PTPRQ: variants seen among roughly 807,000 people sequenced by gnomAD.
The protein encoded by PTPRQ is protein tyrosine phosphatase receptor type Q, also known as phosphatidylinositol phosphatase PTPRQ.
A neutral mutation model predicts 246.0 loss-of-function variants in PTPRQ; 199 were observed. That is an observed-to-expected ratio of 0.81 (90% CI 0.72 to 0.91). The LOEUF is 0.91. Among genes scored for constraint, PTPRQ ranks in the 40% least tolerant of loss-of-function variants. PTPRQ has a pLI of 0.00. For synonymous variants in PTPRQ, 869 were observed against 853.2 expected, an observed-to-expected ratio of 1.02 and a Z score of -0.32; for missense variants, 2,624 against 2,528.4, an observed-to-expected ratio of 1.04 and a Z score of -0.81.
Position 80,620,393 on chromosome 12 carries a change from T to A in PTPRQ, c.5612+17T>A, listed in dbSNP as rs1898935555. The A allele has an allele frequency of 3.2e-6, 5 of 1,547,014 alleles. No homozygotes were observed. Among genetic ancestry groups the A allele is most frequent in the Non-Finnish European group, 4.4e-6 (5 of 1,144,500 alleles). On this transcript the variant is annotated intron_variant, in intron 32 of 44. Coordinates refer to ENST00000644991, the MANE Select transcript of PTPRQ (RefSeq NM_001145026.2). Reference sequence around the variant, plus strand: ...GCAATACTTGTAAGTATAGGTTATATCTACCATGCATTCTGTTAGCAAGCT... The same window carrying A: ...GCAATACTTGTAAGTATAGGTTATAACTACCATGCATTCTGTTAGCAAGCT...
intron 35 of PTPRQ, among the ~76,000 whole-genome samples, chr12:80,647,741 G>T (rs1223939588): frequency 1.3e-5 from 2 of 151,914 alleles, no homozygotes; most frequent in Admixed American, 1.3e-4. Context: ...TCACTCTAGG[G>T]TATTGTGGGG....
intron 25 of PTPRQ, among the ~76,000 whole-genome samples, chr12:80,552,188 C>G (rs1528283): frequency 0.58 from 87,552 of 151,846 alleles, 30,210 homozygotes; most frequent in Non-Finnish European, 0.76. Context: ...GACAGGCAAA[C>G]AGTGTCAGAA....
At chr12:80,485,917 T>C (rs1894259689) in intron 9 of PTPRQ, among the ~76,000 whole-genome samples, 2 of 152,062 alleles carry the variant, frequency 1.3e-5, no homozygotes, top group Admixed American at 1.3e-4. Context: ...TGGTCTGCAA[T>C]TCTCGTCTCA....
intron 38 of PTPRQ, among the ~76,000 whole-genome samples, chr12:80,654,358 C>G (rs1483499435): frequency 1.3e-5 from 2 of 152,128 alleles, no homozygotes; most frequent in African/African-American, 4.8e-5. Context: ...TTTATTCTTT[C>G]TTTTAGAGAG....
intron 25 of PTPRQ, among the ~76,000 whole-genome samples, chr12:80,569,394 TG>T (rs1897076484): frequency 2.2e-5 from 1 of 45,884 alleles, no homozygotes; most frequent in Non-Finnish European, 3.9e-5. Flanking sequence ...TGTTGTGGGG[TG>T]GGGGGAGGGG....
rs146964417 is a variant in PTPRQ at position 80,666,217 on chromosome 12, ATGGAATAC to A, written c.6193-2788_6193-2781del. On this transcript the variant is annotated intron_variant, in intron 39 of 44. Coordinates refer to ENST00000644991, the MANE Select transcript of PTPRQ (RefSeq NM_001145026.2). The stretch of plus-strand genomic sequence containing the variant: ...AAAGAAAATATGCTGTATATACGCA[ATGGAATAC>A]TATTTAGCCATGTAAAAGAATAAAG... Among the ~76,000 whole-genome samples, 633 of 152,170 alleles carry A rather than the reference ATGGAATAC, an allele frequency of 4.2e-3. 4 individuals are homozygous for A. The highest frequency in any genetic ancestry group is 0.014 in the African/African-American group (597 of 41,564).
chr12:80,588,481 G>A, intron 26 of PTPRQ, 29 bp downstream of exon 26: 1 of 1,435,082 alleles, frequency 7.0e-7, no homozygotes, highest in Non-Finnish European at 9.2e-7. Flanking sequence ...TGTACATACT[G>A]ATTTCTGTTA....
intron 26 of PTPRQ, among the ~76,000 whole-genome samples, chr12:80,594,027 A>C (rs1897888645): frequency 6.6e-6 from 1 of 151,988 alleles, no homozygotes; most frequent in Admixed American, 6.6e-5. Context: ...CTGTTAGGTT[A>C]AAAAAAATTC....
In PTPRQ at chr12:80,669,356, T is replaced by C. The variant is rs1464538729; in HGVS notation, c.6345T>C (p.Tyr2115=). 1 of 1,549,822 alleles carries C rather than the reference T, an allele frequency of 6.5e-7. No individual in the cohort carries two copies. Among genetic ancestry groups the C allele is most frequent in the Non-Finnish European group, 8.7e-7 (1 of 1,146,038 alleles). The change falls in exon 41 of 45, where the codon TAT becomes TAC. Residue 2115 remains tyrosine (Y), a synonymous_variant. Coordinates refer to ENST00000644991, the MANE Select transcript of PTPRQ (RefSeq NM_001145026.2). ...FEKGRIRCHQ[Y]WPEDNKPVTV... is the part of the protein sequence containing the mutation. ...GAATGCAGATCAGATGCCATCAGTA[T>C]TGGCCAGAGGACAACAAGCCAGTTA...
At chr12:80,654,306 C>T (rs1800250910) in intron 38 of PTPRQ, among the ~76,000 whole-genome samples, 1 of 152,152 alleles carries the variant, frequency 6.6e-6, no homozygotes, top group Non-Finnish European at 1.5e-5. Flanking sequence ...GTTTGTCAGG[C>T]TGGTTAAATT....
intron 39 of PTPRQ, among the ~76,000 whole-genome samples, chr12:80,667,371 A>T (rs1182639128): frequency 1.3e-5 from 2 of 152,018 alleles, no homozygotes; most frequent in Non-Finnish European, 1.5e-5. Context: ...ACAGAAAAAT[A>T]AATACCGCAT....
At chr12:80,569,588 AT>A (rs1312303092) in intron 25 of PTPRQ, among the ~76,000 whole-genome samples, 20 of 151,962 alleles carry the variant, frequency 1.3e-4, no homozygotes, top group African/African-American at 4.6e-4. Context: ...AACAAAAAAA[AT>A]TTGATTTTTT....
rs1901024612 is a variant in PTPRQ at position 80,673,080 on chromosome 12, T to G, written c.6603-89T>G. On this transcript the variant is annotated intron_variant, in intron 42 of 44. Transcript: ENST00000644991. ...AAATAAGAGAAGAAACTATTAGAAT[T>G]TATTGCTATCATAGCTCATTATCTT... The G allele has an allele frequency of 2.7e-6, 4 of 1,471,822 alleles. No individual in the cohort carries two copies. The East Asian group carries it at 1.0e-4, about 38-fold the overall frequency. 91.2% of individuals were successfully genotyped at this position (1,471,822 alleles called of 1,614,324 possible).
intron 38 of PTPRQ, among the ~76,000 whole-genome samples, 181 bp downstream of exon 38, chr12:80,653,015 A>G (rs1458250467): frequency 6.6e-6 from 1 of 152,160 alleles, no homozygotes; most frequent in Non-Finnish European, 1.5e-5. Context: ...TAAAGTTAGT[A>G]TACGTGGTTT....
intron 17 of PTPRQ, among the ~76,000 whole-genome samples, chr12:80,521,628 C>T (rs1050379443): frequency 2.6e-5 from 4 of 152,052 alleles, no homozygotes; most frequent in Non-Finnish European, 5.9e-5. Context: ...GAATCCTTTC[C>T]CCATTGCTTT....
Position 80,649,688 on chromosome 12 carries a change from T to A in PTPRQ, c.6024+19T>A. ...ATTTTCGGTATGTTACTAGCAGTTG[T>A]CACAACATTGCAAGACCTCCAGTCG... is the stretch of plus-strand genomic sequence containing the variant. On this transcript the variant is annotated intron_variant, in intron 37 of 44. Coordinates refer to ENST00000644991, the MANE Select transcript of PTPRQ (RefSeq NM_001145026.2). 5 of 1,541,254 alleles carry A rather than the reference T, an allele frequency of 3.2e-6. No individual in the cohort carries two copies. The highest frequency in any genetic ancestry group is 4.4e-6 in the Non-Finnish European group (5 of 1,141,838).
At position 80,610,422 on chromosome 12, in the gene PTPRQ, C is replaced by T. The variant is rs1307335137; in HGVS notation, c.4732-17C>T. ...TCAAGTGCTGCTTCCTTAATTTTTA[C>T]TTATATTTTCCTATAGGTAGATAAT... On this transcript the variant is annotated splice_polypyrimidine_tract_variant and intron_variant, in intron 27 of 44. Transcript: ENST00000644991. 4 of 1,447,986 alleles carry T rather than the reference C, an allele frequency of 2.8e-6. No homozygotes were observed. The highest frequency in any genetic ancestry group is 5.3e-5 in the East Asian group (2 of 37,616). 89.7% of individuals were successfully genotyped at this position (1,447,986 alleles called of 1,614,324 possible). A position where few individuals can be genotyped will look rare whatever the true frequency, so the allele number is the denominator to read the frequency against.
chr12:80,575,854 A>G (rs918610456), intron 25 of PTPRQ, among the ~76,000 whole-genome samples: 11 of 150,866 alleles, frequency 7.3e-5, no homozygotes, highest in Non-Finnish European at 1.0e-4. Context: ...AAAAAAAAAA[A>G]AAAGAAAAAA....
intron 25 of PTPRQ, among the ~76,000 whole-genome samples, chr12:80,559,246 G>A (rs1406768683): frequency 6.6e-6 from 1 of 152,054 alleles, no homozygotes; most frequent in African/African-American, 2.4e-5. Flanking sequence ...GAGCTTCGCA[G>A]TGTTACCCAG....
Sources: gnomAD v4.1 joint callset for allele counts (sites outside exome capture counted in the v4.1 genomes callset) on GRCh38, gnomAD v4.1.1 for gene constraint, MANE v1.5 for transcripts, NCBI Gene and HGNC (gene_info 2026-07-23, HGNC 2026-07-21) for gene names.